SNX30: variants seen among roughly 807,000 people sequenced by gnomAD.
The protein encoded by SNX30 is sorting nexin family member 30.
Under a neutral mutation model 46.4 loss-of-function variants are expected in SNX30, and 24 were observed. That is an observed-to-expected ratio of 0.52 (90% confidence interval 0.37 to 0.73). SNX30 has a LOEUF of 0.73. Ranked by LOEUF, SNX30 falls within the 30% of genes least tolerant of loss-of-function variation. SNX30 has a pLI of 0.00. For missense variants in SNX30, 533 were observed against 555.7 expected (o/e 0.96, Z 0.41); for synonymous variants, 189 against 211.5 (o/e 0.89, Z 0.92).
At chr9:112,768,194 T>TA (rs1354777779) in intron 1 of SNX30, among the ~76,000 whole-genome samples, 2 of 152,208 alleles carry the variant, frequency 1.3e-5, no homozygotes, top group African/African-American at 4.8e-5. Flanking sequence ...CCTGGGAAGT[T>TA]ACGTCTCTGC....
intron 2 of SNX30, among the ~76,000 whole-genome samples, chr9:112,812,318 C>G (rs1027003910): frequency 6.6e-6 from 1 of 152,060 alleles, no homozygotes; most frequent in African/African-American, 2.4e-5. Flanking sequence ...TGTAGTGATG[C>G]GATCTCGGCT....
chr9:112,863,558 G>A (rs557002426), intron 7 of SNX30, among the ~76,000 whole-genome samples: 2 of 152,336 alleles, frequency 1.3e-5, no homozygotes, highest in East Asian at 3.9e-4. Context: ...ACTTGAAATA[G>A]CCTGCTGTAT....
chr9:112,794,157 TTTC>T (rs1294000646), intron 1 of SNX30, among the ~76,000 whole-genome samples: 2 of 152,202 alleles, frequency 1.3e-5, no homozygotes, highest in Non-Finnish European at 2.9e-5. Flanking sequence ...ATTCATTTTT[TTTC>T]TTTTTTTTTG....
chr9:112,855,671 T>C (rs1364759279), intron 7 of SNX30, among the ~76,000 whole-genome samples: 3 of 152,108 alleles, frequency 2.0e-5, no homozygotes, highest in Non-Finnish European at 4.4e-5. Flanking sequence ...AGAATGGTGG[T>C]GTCCTAGAAT....
At position 112,864,341 on chromosome 9, in the gene SNX30, A is replaced by G; in HGVS notation, c.1196A>G (p.Gln399Arg). 3.1e-6 allele frequency: 5 copies of G among 1,614,242 alleles called. No homozygotes were observed. The highest frequency in any genetic ancestry group is 4.2e-6 in the Non-Finnish European group (5 of 1,180,040). ...GAGAGGTGGCAGAACAACAAGAGGC[A>G]GGACTTCCGGCAGCTACTCATGGGG... Reference protein sequence around the residue: ...DMERWQNNKRQDFRQLLMGMA... With the variant: ...DMERWQNNKRRDFRQLLMGMA... Residue 399 changes from glutamine to arginine, a missense_variant, in exon 8 of 9, where the codon CAG (glutamine) becomes CGG (arginine). Around this residue, in one of 3 missense-constraint regions of SNX30, gnomAD observed 261 missense variants for 270.9 expected, o/e 0.96. Transcript: ENST00000374232.
At chr9:112,778,613 A>G (rs1564265958) in intron 1 of SNX30, among the ~76,000 whole-genome samples, 1 of 152,196 alleles carries the variant, frequency 6.6e-6, no homozygotes, top group Non-Finnish European at 1.5e-5. Flanking sequence ...GGGTCTACCC[A>G]GATTCACCAG....
rs1841463081 is a variant in SNX30 at position 112,872,512 on chromosome 9, T to C, written c.*3669T>C. The C allele has an allele frequency of 6.6e-6, 1 of 152,270 alleles. No individual in the cohort carries two copies. The allele number at this position is 152,270 out of a possible 1,614,324, so 9.4% of individuals were successfully genotyped here. A position where few individuals can be genotyped will look rare whatever the true frequency, so the allele number is the denominator to read the frequency against. ...CAAGGCCTATGTCAGCCTCTTCTCC[T>C]TGGGTCTTGGGGTGGGTTAGAACTG... On this transcript the variant is annotated 3_prime_UTR_variant, in exon 9 of 9. Transcript: ENST00000374232.
intron 7 of SNX30, among the ~76,000 whole-genome samples, chr9:112,852,602 TC>T (rs1444023967): frequency 1.1e-4 from 17 of 152,152 alleles, no homozygotes; most frequent in Non-Finnish European, 2.1e-4. Context: ...ACCATTATTA[TC>T]CCCATTTGAG....
intron 1 of SNX30, among the ~76,000 whole-genome samples, chr9:112,763,574 G>C (rs971022880): frequency 9.2e-5 from 14 of 151,594 alleles, no homozygotes; most frequent in African/African-American, 3.4e-4. Flanking sequence ...TGACAGGCCG[G>C]GCGCCGTGGC....
At chr9:112,781,853 G>T (rs533979873) in intron 1 of SNX30, among the ~76,000 whole-genome samples, 16 of 151,600 alleles carry the variant, frequency 1.1e-4, no homozygotes, top group African/African-American at 3.9e-4. Flanking sequence ...TGTTGGTCAG[G>T]CTGGTCTTAA....
intron 1 of SNX30, among the ~76,000 whole-genome samples, chr9:112,785,777 C>T (rs1480629304): frequency 1.3e-5 from 2 of 152,036 alleles, no homozygotes; most frequent in African/African-American, 4.8e-5. Context: ...AAGCAATCCT[C>T]CCACCTTGGC....
chr9:112,827,343 G>C (rs1232211107), intron 3 of SNX30, among the ~76,000 whole-genome samples: 1 of 152,180 alleles, frequency 6.6e-6, no homozygotes. Context: ...CCAACTTCTT[G>C]AGGTACCAAG....
In SNX30 at chr9:112,869,809, T is replaced by C. The variant is rs1044173952; in HGVS notation, c.*966T>C. 1 of 152,146 alleles carries C rather than the reference T, an allele frequency of 6.6e-6. No individual in the cohort carries two copies. The allele number at this position is 152,146 out of a possible 1,614,324, so 9.4% of individuals were successfully genotyped here. On this transcript the variant is annotated 3_prime_UTR_variant, in exon 9 of 9. Transcript: ENST00000374232. ...CAATTTGCCTTTACCTCACCAAAAA[T>C]ACCTACTTTAATATTTCCTCCTGTG...
At chr9:112,762,127 A>G (rs1839445374) in intron 1 of SNX30, among the ~76,000 whole-genome samples, 1 of 152,198 alleles carries the variant, frequency 6.6e-6, no homozygotes. Context: ...ACTAGACATT[A>G]GAGGACTCAT....
chr9:112,830,679 C>T (rs753926852), intron 3 of SNX30, 46 bp from the exon 4 acceptor site: 1 of 1,571,792 alleles, frequency 6.4e-7, no homozygotes, highest in Non-Finnish European at 8.6e-7. Context: ...TTTTTCCTTG[C>T]ACCATCTCAT....
rs75714733 is a variant in SNX30 at position 112,768,351 on chromosome 9, G to A, written c.156+17194G>A. Among the ~76,000 whole-genome samples, 767 of 152,318 alleles carry A rather than the reference G, an allele frequency of 5.0e-3. 4 individuals carry two copies. The highest frequency in any genetic ancestry group is 8.2e-3 in the Non-Finnish European group (560 of 68,034). On this transcript the variant is annotated intron_variant, in intron 1 of 8. Transcript: ENST00000374232. ...TTAATGTGTGGCTCATAGGTGAGTG[G>A]CATTGACATCACCTGAGAGCTCATA... is the stretch of plus-strand genomic sequence containing the variant.
chr9:112,848,836 T>G (rs1246612532), intron 6 of SNX30, among the ~76,000 whole-genome samples: 1 of 152,180 alleles, frequency 6.6e-6, no homozygotes, highest in Non-Finnish European at 1.5e-5. Context: ...GGAGATGCTT[T>G]TGCACTGTTG....
intron 4 of SNX30, among the ~76,000 whole-genome samples, chr9:112,835,195 C>T (rs570918370): frequency 6.6e-6 from 1 of 152,176 alleles, no homozygotes; most frequent in African/African-American, 2.4e-5. Context: ...ATATGAGGAA[C>T]AGACACCTGT....
chr9:112,772,035 C>T (rs1348223169), intron 1 of SNX30, among the ~76,000 whole-genome samples: 1 of 152,160 alleles, frequency 6.6e-6, no homozygotes, highest in African/African-American at 2.4e-5. Context: ...CTTTATTGGA[C>T]CCCATTTCAT....
Sources: gnomAD v4.1 joint callset for allele counts (sites outside exome capture counted in the v4.1 genomes callset) on GRCh38, gnomAD v4.1.1 for gene constraint, gnomAD v4.1.1 regional missense constraint, MANE v1.5 for transcripts, NCBI Gene and HGNC (gene_info 2026-07-23, HGNC 2026-07-21) for gene names.